DOCK8: variants seen among roughly 807,000 people sequenced by gnomAD.
DOCK8 encodes dedicator of cytokinesis protein 8.
Under a neutral mutation model 245.6 loss-of-function variants are expected in DOCK8, and 141 were observed. The observed-to-expected ratio is 0.57, with a 90% CI of 0.50 to 0.66. DOCK8 has a LOEUF of 0.66. Among genes scored for constraint, DOCK8 ranks in the 30% least tolerant of loss-of-function variants. The pLI is 0.00. For missense variants in DOCK8, 2,965 were observed against 2,603.4 expected (o/e 1.14, Z -3.02); for synonymous variants, 1,168 against 970.2 (o/e 1.20, Z -3.79).
intron 25 of DOCK8, among the ~76,000 whole-genome samples, 170 bp downstream of exon 25, chr9:397,104 T>C (rs1295525846): frequency 6.6e-6 from 1 of 151,970 alleles, no homozygotes; most frequent in Non-Finnish European, 1.5e-5. Flanking sequence ...GGCTGGAAAA[T>C]TGTTATAAAC....
chr9:240,490 G>A (rs1278894637), intron 1 of DOCK8, among the ~76,000 whole-genome samples: 1 of 151,710 alleles, frequency 6.6e-6, no homozygotes, highest in African/African-American at 2.4e-5. Flanking sequence ...CTAGCCCTCT[G>A]TAGGCAATTA....
intron 3 of DOCK8, among the ~76,000 whole-genome samples, chr9:287,842 T>C (rs1185286865): frequency 6.6e-6 from 1 of 152,176 alleles, no homozygotes. Context: ...TTATGGATGT[T>C]TCCAAATATG....
At position 420,959 on chromosome 9, in the gene DOCK8, G is replaced by C. The variant is rs138869438; in HGVS notation, c.4034G>C (p.Ser1345Thr). Residue 1345 changes from serine to threonine, a missense_variant, in exon 32 of 48, where the codon AGT (serine) becomes ACT (threonine). By Grantham distance (58) the Ser-to-Thr change is moderately conservative. This residue lies in a region of DOCK8 where 2,825 missense variants were observed against 2,453.5 expected (regional missense o/e 1.15). Coordinates refer to ENST00000432829, the MANE Select transcript of DOCK8 (RefSeq NM_203447.4). The part of the protein sequence containing the change: ...VLCFEYKGKQ[S>T]SDKVSTQVLQ... ...CTCTGTCTTGTCCAGGGAAAACAGA[G>C]TTCTGACAAAGTCAGTACCCAAGTC... is the stretch of plus-strand genomic sequence containing the variant. The C allele has an allele frequency of 7.4e-5, 119 of 1,614,086 alleles. No individual in the cohort carries two copies. Among genetic ancestry groups the C allele is most frequent in the Non-Finnish European group, 9.7e-5 (115 of 1,180,050 alleles).
Position 332,457 on chromosome 9 carries a change from C to T in DOCK8, c.1104C>T (p.Ile368=). ...ACTGTGCAGAGCCCTACACGGTTATCAAAGAAAGTGATGGTGGAAAGGTAT... is the reference window on the plus strand; with the variant it reads ...ACTGTGCAGAGCCCTACACGGTTATTAAAGAAAGTGATGGTGGAAAGGTAT... ...IGDCAEPYTV[I]KESDGGKSKE... Residue 368 remains isoleucine, a synonymous_variant, in exon 10 of 48, where the codon ATC becomes ATT. Transcript: ENST00000432829. The T allele has an allele frequency of 6.2e-7, 1 of 1,612,736 alleles. No homozygotes were observed. The highest frequency in any genetic ancestry group is 8.5e-7 in the Non-Finnish European group (1 of 1,178,932).
At chr9:391,114 C>G (rs533841882) in intron 24 of DOCK8, among the ~76,000 whole-genome samples, 2 of 152,258 alleles carry the variant, frequency 1.3e-5, no homozygotes, top group African/African-American at 4.8e-5. Flanking sequence ...CCATTTTGGC[C>G]TCACAGCCTT....
At chr9:306,764 A>T (rs2049850277) in intron 5 of DOCK8, among the ~76,000 whole-genome samples, 1 of 152,186 alleles carries the variant, frequency 6.6e-6, no homozygotes, top group Non-Finnish European at 1.5e-5. Flanking sequence ...AGTGATGCTG[A>T]TGCTGCTGGT....
intron 37 of DOCK8, among the ~76,000 whole-genome samples, chr9:432,820 G>C (rs772168245): frequency 4.6e-5 from 7 of 152,158 alleles, no homozygotes; most frequent in Non-Finnish European, 8.8e-5. Flanking sequence ...TGTCTGGTGA[G>C]GGGTAAGGAA....
At chr9:446,065 T>C (rs1395498766) in intron 43 of DOCK8, among the ~76,000 whole-genome samples, 1 of 152,246 alleles carries the variant, frequency 6.6e-6, no homozygotes, top group Non-Finnish European at 1.5e-5. Context: ...CTCTTTGGAA[T>C]AGCAGTTTGC....
chr9:412,614 C>T (rs1468290880), intron 28 of DOCK8, among the ~76,000 whole-genome samples: 1 of 151,972 alleles, frequency 6.6e-6, no homozygotes, highest in South Asian at 2.1e-4. Flanking sequence ...TTTCTATACA[C>T]TTACGATGAG....
At chr9:274,466 T>TTTC (rs386414282) in intron 2 of DOCK8, among the ~76,000 whole-genome samples, 6 of 61,580 alleles carry the variant, frequency 9.7e-5, no homozygotes, top group Admixed American at 5.4e-4. Flanking sequence ...GATTGAATTC[T>TTTC]TTTTTTTTTC....
At position 286,649 on chromosome 9, in the gene DOCK8, C is replaced by G. The variant is rs1050168076; in HGVS notation, c.332+13C>G. On this transcript the variant is annotated intron_variant, in intron 3 of 47. Coordinates refer to ENST00000432829, the MANE Select transcript of DOCK8 (RefSeq NM_203447.4). ...TGCCGGAGGAAGGGTAAATAGTTTT[C>G]TAAAATGTAGATGTGATTGGGATTG... 8 of 1,613,210 alleles carry G rather than the reference C, an allele frequency of 5.0e-6. No homozygotes were observed. Among genetic ancestry groups the G allele is most frequent in the Non-Finnish European group, 2.5e-6 (3 of 1,179,470 alleles).
intron 7 of DOCK8, among the ~76,000 whole-genome samples, chr9:319,031 TCA>T (rs2050468834): frequency 1.3e-5 from 2 of 152,204 alleles, no homozygotes; most frequent in African/African-American, 2.4e-5. Context: ...GTGTGGTGAC[TCA>T]CACCTGTAAT....
At chr9:329,738 C>G (rs142384764) in intron 9 of DOCK8, among the ~76,000 whole-genome samples, 1 of 152,342 alleles carries the variant, frequency 6.6e-6, no homozygotes, top group Admixed American at 6.5e-5. Flanking sequence ...AACTCTACTT[C>G]CCAGTGGATG....
At chr9:258,592 C>CT (rs540266063) in intron 1 of DOCK8, among the ~76,000 whole-genome samples, 5,710 of 100,146 alleles carry the variant, frequency 0.057, 288 homozygotes, top group Admixed American at 0.093. Flanking sequence ...TGAAGAGACT[C>CT]TTTTTTTTTT....
chr9:428,294 T>C (rs1390761612), intron 34 of DOCK8, 68 bp from the exon 35 acceptor site: 2 of 1,611,756 alleles, frequency 1.2e-6, no homozygotes, highest in Non-Finnish European at 1.7e-6. Context: ...ACTGAGCTAA[T>C]TGTCAGGAAC....
In DOCK8 at chr9:296,504, C is replaced by T. The variant is rs779972849; in HGVS notation, c.404+6923C>T. On this transcript the variant is annotated intron_variant, in intron 4 of 47. Transcript: ENST00000432829. ...TTCATCTGGGGTGATTAAGGTAATT[C>T]TGAAGGAAGGTTGAGCTCAAGGAGA... Among the ~76,000 whole-genome samples, 18 of 152,110 alleles carry T rather than the reference C, an allele frequency of 1.2e-4. 1 individual carries two copies. The highest frequency in any genetic ancestry group is 2.5e-4 in the Non-Finnish European group (17 of 68,036).
intron 27 of DOCK8, 34 bp from the exon 28 acceptor site, chr9:406,896 G>C: frequency 6.2e-7 from 1 of 1,613,934 alleles, no homozygotes; most frequent in Non-Finnish European, 8.5e-7. Context: ...TCCAGTTCTT[G>C]TGGCTCATAA....
chr9:425,679 C>T (rs2056469805), intron 33 of DOCK8, among the ~76,000 whole-genome samples: 1 of 151,482 alleles, frequency 6.6e-6, no homozygotes, highest in Non-Finnish European at 1.5e-5. Flanking sequence ...ATCACTTGAG[C>T]CCAGGAGTTC....
intron 36 of DOCK8, 101 bp from the exon 37 acceptor site, chr9:432,065 A>G: frequency 3.3e-6 from 4 of 1,217,452 alleles, no homozygotes; most frequent in South Asian, 2.6e-5. Context: ...GGGCAAAGGA[A>G]ACACTGAGGA....
Sources: gnomAD v4.1 joint callset for allele counts (sites outside exome capture counted in the v4.1 genomes callset) on GRCh38, gnomAD v4.1.1 for gene constraint, gnomAD v4.1.1 regional missense constraint, MANE v1.5 for transcripts, NCBI Gene and HGNC (gene_info 2026-07-23, HGNC 2026-07-21) for gene names.